BANK1: variants seen among roughly 807,000 people sequenced by gnomAD.
BANK1 encodes the protein B-cell scaffold protein with ankyrin repeats.
BANK1 carries 95 observed loss-of-function variants against 94.5 expected under a neutral mutation model. The observed-to-expected ratio is 1.00, with a 90% CI of 0.85 to 1.19. The LOEUF (loss-of-function observed/expected upper bound fraction) is 1.19. Ranked by LOEUF, BANK1 falls within the 50% of genes most tolerant of loss-of-function variation. BANK1 has a pLI of 0.00. For missense variants in BANK1, 987 were observed against 932.2 expected (o/e 1.06, Z -0.77); for synonymous variants, 334 against 308.4 (o/e 1.08, Z -0.87).
intron 5 of BANK1, among the ~76,000 whole-genome samples, chr4:101,871,816 TAAAGTAGTCTCC>T (rs1329585852): frequency 6.6e-6 from 1 of 152,268 alleles, no homozygotes; most frequent in East Asian, 1.9e-4. Context: ...AGTGTAGAAG[TAAAGTAGTCTCC>T]AAACATATTT....
At chr4:102,071,145 A>G in intron 13 of BANK1, 130 bp from the exon 14 acceptor site, 1 of 1,031,456 alleles carries the variant, frequency 9.7e-7, no homozygotes, top group African/African-American at 1.6e-5. Context: ...TGATATTTTT[A>G]GATCAGAATG....
intron 7 of BANK1, among the ~76,000 whole-genome samples, chr4:101,937,887 C>T (rs1723622233): frequency 6.6e-6 from 1 of 151,878 alleles, no homozygotes; most frequent in Non-Finnish European, 1.5e-5. Context: ...GGCACATATA[C>T]ACCATGGAAT....
chr4:101,973,721 G>A (rs1208051459), intron 7 of BANK1, among the ~76,000 whole-genome samples: 2 of 151,874 alleles, frequency 1.3e-5, no homozygotes, highest in Non-Finnish European at 1.5e-5. Context: ...AACTCATTTC[G>A]GGGTTGTTAA....
chr4:101,858,626 A>T (rs1727765155), intron 3 of BANK1, among the ~76,000 whole-genome samples: 2 of 151,978 alleles, frequency 1.3e-5, no homozygotes, highest in Admixed American at 1.3e-4. Flanking sequence ...TTTTATTTTT[A>T]TTTTATTTTC....
chr4:101,987,070 A>T (rs1725531690), intron 7 of BANK1, among the ~76,000 whole-genome samples: 1 of 150,510 alleles, frequency 6.6e-6, no homozygotes, highest in Non-Finnish European at 1.5e-5. Context: ...CCAATTAGAG[A>T]CAAAAGTATG....
chr4:101,930,868 T>A (rs1723315061), intron 7 of BANK1, among the ~76,000 whole-genome samples: 1 of 151,514 alleles, frequency 6.6e-6, no homozygotes, highest in Admixed American at 6.6e-5. Context: ...TAACAGTTTG[T>A]CCCACTGCAA....
intron 6 of BANK1, among the ~76,000 whole-genome samples, chr4:101,912,135 C>T (rs1722684155): frequency 6.6e-6 from 1 of 152,088 alleles, no homozygotes; most frequent in African/African-American, 2.4e-5. Context: ...GAAACTTCCT[C>T]TTACTTTTGC....
At chr4:101,905,854 G>C (rs1722431025) in intron 6 of BANK1, among the ~76,000 whole-genome samples, 4 of 152,198 alleles carry the variant, frequency 2.6e-5, no homozygotes. Context: ...ATCTTTTTAA[G>C]AGATTCCTGT....
chr4:101,862,537 A>G lies in BANK1; in HGVS notation c.636A>G (p.Glu212=), dbSNP rs1376631730. The change falls in exon 4 of 17, where the codon GAA becomes GAG. Residue 212 remains glutamate, a synonymous_variant. Coordinates refer to ENST00000322953, the MANE Select transcript of BANK1 (RefSeq NM_017935.5). ...TTTTCATCTTACAGAATCCTGGTGA[A>G]ATATTCATAATTTTGAGAGATGAAG... ...PTEIPCENPG[E]IFIILRDEVI... 5 of 1,601,982 alleles carry G rather than the reference A, an allele frequency of 3.1e-6. No individual in the cohort carries two copies. The South Asian group carries it at 3.4e-5, about 11-fold the overall frequency.
At chr4:102,032,351 C>T (rs1727349474) in intron 10 of BANK1, 1 of 152,122 alleles carries the variant, frequency 6.6e-6, no homozygotes, top group African/African-American at 2.4e-5. Context: ...CTGTCTTGTT[C>T]TCTGTTGTTC....
At chr4:102,018,797 T>TG (rs1218840213) in intron 7 of BANK1, among the ~76,000 whole-genome samples, 1 of 151,608 alleles carries the variant, frequency 6.6e-6, no homozygotes, top group Non-Finnish European at 1.5e-5. Flanking sequence ...TCTGATCATC[T>TG]ATTTCTTTTC....
At chr4:101,832,913 C>T (rs1726676825) in intron 2 of BANK1, among the ~76,000 whole-genome samples, 1 of 151,454 alleles carries the variant, frequency 6.6e-6, no homozygotes, top group African/African-American at 2.4e-5. Context: ...CCTTCCCTCC[C>T]TCTCTCCTTC....
At chr4:102,029,666 T>C (rs980812248) in intron 9 of BANK1, among the ~76,000 whole-genome samples, 2 of 151,168 alleles carry the variant, frequency 1.3e-5, no homozygotes, top group Admixed American at 1.3e-4. Context: ...TATTTAAATG[T>C]TTTAAAAAAT....
chr4:101,908,354 T>C (rs898553842), intron 6 of BANK1, among the ~76,000 whole-genome samples: 12 of 152,194 alleles, frequency 7.9e-5, no homozygotes, highest in Non-Finnish European at 1.5e-4. Flanking sequence ...GCCAGCCATA[T>C]GTAGAAAGCT....
chr4:102,000,785 T>C (rs959453840), intron 7 of BANK1, among the ~76,000 whole-genome samples: 9 of 152,158 alleles, frequency 5.9e-5, no homozygotes, highest in African/African-American at 2.2e-4. Flanking sequence ...AGTGAAGAAA[T>C]AAGTTGCAAA....
chr4:101,996,306 A>G (rs958406004), intron 7 of BANK1, among the ~76,000 whole-genome samples: 1 of 152,168 alleles, frequency 6.6e-6, no homozygotes, highest in Non-Finnish European at 1.5e-5. Flanking sequence ...TGGTACAAGT[A>G]CCATGCTGTT....
intron 7 of BANK1, among the ~76,000 whole-genome samples, chr4:101,934,963 T>C (rs1723480670): frequency 6.6e-6 from 1 of 151,480 alleles, no homozygotes; most frequent in Non-Finnish European, 1.5e-5. Context: ...CCTCTGACCA[T>C]ACTATTTAAA....
intron 1 of BANK1, among the ~76,000 whole-genome samples, chr4:101,805,353 A>G (rs1725516254): frequency 6.6e-6 from 1 of 152,150 alleles, no homozygotes; most frequent in African/African-American, 2.4e-5. Flanking sequence ...AAACAACATT[A>G]ATATGACAGT....
At position 101,870,603 on chromosome 4, in the gene BANK1, T is replaced by C; in HGVS notation, c.862T>C (p.Cys288Arg). The C allele has an allele frequency of 6.2e-7, 1 of 1,612,736 alleles. No homozygotes were observed. Among genetic ancestry groups the C allele is most frequent in the Non-Finnish European group, 8.5e-7 (1 of 1,179,236 alleles). Reference sequence around the variant, plus strand: ...CTACCCAACAGCAAAGGCAAAGGAATGCCTATTCAGAATGGCAGATTCAGG... The same window carrying C: ...CTACCCAACAGCAAAGGCAAAGGAACGCCTATTCAGAATGGCAGATTCAGG... ...KYYPTAKAKE[C>R]LFRMADSGES... Residue 288 changes from cysteine (C) to arginine (R), a missense_variant, in exon 5 of 17, where the codon TGC (cysteine) becomes CGC (arginine). Coordinates refer to ENST00000322953, the MANE Select transcript of BANK1 (RefSeq NM_017935.5).
Sources: allele counts gnomAD v4.1 joint callset (sites outside exome capture counted in the v4.1 genomes callset), GRCh38; gene constraint gnomAD v4.1.1; transcripts MANE v1.5; gene names NCBI Gene and HGNC (gene_info 2026-07-23, HGNC 2026-07-21).